The following DSCAM variants were observed in gnomAD, a reference collection of about 807,000 sequenced individuals.
The protein encoded by DSCAM is cell adhesion molecule DSCAM.
A neutral mutation model predicts 217.7 loss-of-function variants in DSCAM; 47 were observed. The observed-to-expected ratio is 0.22, with a 90% CI of 0.17 to 0.28. The LOEUF (loss-of-function observed/expected upper bound fraction) is 0.28, where lower values mean the gene tolerates loss of function less well. Among genes scored for constraint, DSCAM ranks in the 10% least tolerant of loss-of-function variants. DSCAM has a pLI of 1.00. For synonymous variants in DSCAM, 1,056 were observed against 1,015.3 expected (o/e 1.04, Z -0.76); for missense variants, 2,080 against 2,618.3 (o/e 0.79, Z 4.49).
chr21:40,512,656 C>T (rs1447004767), intron 3 of DSCAM, among the ~76,000 whole-genome samples: 3 of 151,958 alleles, frequency 2.0e-5, no homozygotes, highest in African/African-American at 7.2e-5. Flanking sequence ...GTCCATTTGT[C>T]GATTTGTACC....
intron 3 of DSCAM, among the ~76,000 whole-genome samples, chr21:40,484,330 C>T (rs2076007336): frequency 6.6e-6 from 1 of 152,218 alleles, no homozygotes; most frequent in African/African-American, 2.4e-5. Flanking sequence ...TTTGACTTGA[C>T]TGTTTACAAC....
At chr21:40,762,651 CACA>C (rs1376367218) in intron 1 of DSCAM, among the ~76,000 whole-genome samples, 4 of 152,144 alleles carry the variant, frequency 2.6e-5, no homozygotes, top group East Asian at 1.9e-4. Context: ...CTGGCAGAGA[CACA>C]ACAAGAAAAG....
intron 6 of DSCAM, among the ~76,000 whole-genome samples, chr21:40,342,515 AGT>A (rs2074503929): frequency 6.6e-6 from 1 of 150,912 alleles, no homozygotes; most frequent in African/African-American, 2.4e-5. Flanking sequence ...GTGGATATGA[AGT>A]GTGATGTAGG....
At chr21:40,181,266 G>C (rs1298836047) in intron 14 of DSCAM, among the ~76,000 whole-genome samples, 1 of 152,136 alleles carries the variant, frequency 6.6e-6, no homozygotes, top group Non-Finnish European at 1.5e-5. Flanking sequence ...TCAGGTCAAT[G>C]TGCTGGGCAT....
intron 1 of DSCAM, among the ~76,000 whole-genome samples, chr21:40,765,527 A>T (rs560716714): frequency 1.3e-3 from 203 of 152,214 alleles, no homozygotes; most frequent in African/African-American, 4.6e-3. Context: ...AAGAAAAAAA[A>T]TTTTTTTAAA....
At chr21:40,044,363 G>T in intron 30 of DSCAM, 88 bp from the exon 31 acceptor site, 1 of 1,368,482 alleles carries the variant, frequency 7.3e-7, no homozygotes, top group Non-Finnish European at 9.9e-7. Flanking sequence ...CACCCACCCA[G>T]CACTGCCGAC....
At chr21:40,194,880 G>T (rs1053248842) in intron 11 of DSCAM, among the ~76,000 whole-genome samples, 7 of 152,064 alleles carry the variant, frequency 4.6e-5, no homozygotes, top group African/African-American at 1.7e-4. Flanking sequence ...ACTGAAATTG[G>T]CGAGTGCTAG....
intron 11 of DSCAM, among the ~76,000 whole-genome samples, chr21:40,191,331 T>C (rs7279005): frequency 0.067 from 10,138 of 152,116 alleles, 1,060 homozygotes; most frequent in African/African-American, 0.22. Flanking sequence ...AGATGGAAAG[T>C]AGGCAAATTG....
intron 5 of DSCAM, among the ~76,000 whole-genome samples, 166 bp downstream of exon 5, chr21:40,353,299 A>C (rs1403891288): frequency 6.6e-6 from 1 of 152,240 alleles, no homozygotes; most frequent in Non-Finnish European, 1.5e-5. Flanking sequence ...TGGGGAATTC[A>C]TCTGAGCATT....
chr21:40,682,897 G>A (rs1305718515), intron 3 of DSCAM, among the ~76,000 whole-genome samples: 2 of 151,784 alleles, frequency 1.3e-5, no homozygotes, highest in African/African-American at 4.8e-5. Context: ...AAGAAATACA[G>A]TAATTACTAA....
At chr21:40,080,425 T>C (rs543301849) in intron 24 of DSCAM, 85 bp from the exon 25 acceptor site, 5 of 1,189,710 alleles carry the variant, frequency 4.2e-6, no homozygotes, top group South Asian at 3.5e-5. Flanking sequence ...GTGTGGGTAA[T>C]AGAACGAGCA....
chr21:40,670,612 C>G (rs1259975579), intron 3 of DSCAM, among the ~76,000 whole-genome samples: 1 of 151,818 alleles, frequency 6.6e-6, no homozygotes, highest in Non-Finnish European at 1.5e-5. Context: ...TTGTGACACG[C>G]TTATTTCACT....
intron 11 of DSCAM, among the ~76,000 whole-genome samples, chr21:40,227,911 G>C (rs2091347433): frequency 1.3e-5 from 2 of 152,140 alleles, no homozygotes; most frequent in African/African-American, 4.8e-5. Context: ...TTTGTTTCAA[G>C]ATCCCATCCA....
intron 1 of DSCAM, among the ~76,000 whole-genome samples, chr21:40,733,119 C>G (rs1306002626): frequency 6.6e-6 from 1 of 152,218 alleles, no homozygotes; most frequent in African/African-American, 2.4e-5. Flanking sequence ...AGGGTGCAGA[C>G]ATGCATGCAG....
intron 1 of DSCAM, among the ~76,000 whole-genome samples, chr21:40,844,056 C>G (rs543269731): frequency 6.6e-6 from 1 of 152,056 alleles, no homozygotes; most frequent in South Asian, 2.1e-4. Flanking sequence ...ATTCATCAAT[C>G]TTTTATCACA....
intron 3 of DSCAM, among the ~76,000 whole-genome samples, chr21:40,402,284 T>C (rs1208005322): frequency 1.3e-5 from 2 of 148,800 alleles, no homozygotes; most frequent in East Asian, 4.1e-4. Context: ...TTAGCCAGGA[T>C]GGTCTCAGTC....
chr21:40,266,979 C>T (rs1215959560), intron 11 of DSCAM, among the ~76,000 whole-genome samples: 1 of 137,656 alleles, frequency 7.3e-6, no homozygotes, highest in Non-Finnish European at 1.5e-5. Flanking sequence ...AAGCTTTGGG[C>T]ACACAAAGGC....
At chr21:40,115,705 G>T (rs2089961919) in intron 20 of DSCAM, among the ~76,000 whole-genome samples, 1 of 152,158 alleles carries the variant, frequency 6.6e-6, no homozygotes, top group East Asian at 1.9e-4. Context: ...ACTGTTGATG[G>T]GAGTATAAAT....
intron 3 of DSCAM, among the ~76,000 whole-genome samples, chr21:40,535,102 G>A (rs557137336): frequency 4.6e-5 from 7 of 152,080 alleles, no homozygotes; most frequent in East Asian, 1.9e-4. Context: ...TATCTGATCT[G>A]CATATTTACT....
Sources: allele counts gnomAD v4.1 joint callset (sites outside exome capture counted in the v4.1 genomes callset), GRCh38; gene constraint gnomAD v4.1.1; transcripts MANE v1.5; gene names NCBI Gene and HGNC (gene_info 2026-07-23, HGNC 2026-07-21).